Variants in DACH1 observed in about 807,000 individuals in gnomAD.
The protein encoded by DACH1 is dachshund family transcription factor 1, also known as dachshund homolog 1.
DACH1 carries 12 observed loss-of-function variants against 54.2 expected under a neutral mutation model. The ratio of observed to expected loss-of-function variants is 0.22; its 90% confidence interval spans 0.14 to 0.36. DACH1 has a LOEUF of 0.36. DACH1 is among the 10% of genes least tolerant of loss of function. DACH1 has a pLI of 1.00. For missense variants in DACH1, 805 were observed against 929.8 expected, an observed-to-expected ratio of 0.87 and a Z score of 1.75; for synonymous variants, 386 against 366.2, an observed-to-expected ratio of 1.05 and a Z score of -0.62.
chr13:71,713,867 C>G (rs1882848925), intron 1 of DACH1, among the ~76,000 whole-genome samples: 1 of 151,926 alleles, frequency 6.6e-6, no homozygotes, highest in Admixed American at 6.6e-5. Flanking sequence ...AATATAATTT[C>G]TAATAATCAT....
intron 5 of DACH1, among the ~76,000 whole-genome samples, chr13:71,559,412 A>C (rs1373878367): frequency 6.6e-6 from 1 of 152,170 alleles, no homozygotes; most frequent in Non-Finnish European, 1.5e-5. Flanking sequence ...ATCTCCATTA[A>C]CACAAGGATA....
At chr13:71,699,218 G>T (rs1881988030) in intron 1 of DACH1, among the ~76,000 whole-genome samples, 1 of 152,042 alleles carries the variant, frequency 6.6e-6, no homozygotes, top group Non-Finnish European at 1.5e-5. Flanking sequence ...TTGCAAGGAA[G>T]TATTTTTACC....
At chr13:71,818,808 G>A (rs1170415034) in intron 1 of DACH1, among the ~76,000 whole-genome samples, 1 of 152,214 alleles carries the variant, frequency 6.6e-6, no homozygotes, top group Non-Finnish European at 1.5e-5. Context: ...GCTTAGTTTT[G>A]ACTTGGATGC....
intron 6 of DACH1, among the ~76,000 whole-genome samples, chr13:71,517,551 G>A (rs1212459041): frequency 6.6e-6 from 1 of 151,722 alleles, no homozygotes; most frequent in Non-Finnish European, 1.5e-5. Flanking sequence ...TTGGTCTTTA[G>A]AAGCCAAATA....
chr13:71,477,296 A>AT lies in DACH1; in HGVS notation c.1871-1448dup, dbSNP rs553853240. ...CCACCACGCCCGGCTAATTTTTTGT[A>AT]TTTTTTAGTAGAGGCGCGGTTTCAC... On this transcript the variant is annotated intron_variant, in intron 8 of 10. Transcript: ENST00000613252. 1.6e-3 allele frequency among the ~76,000 whole-genome samples: 236 copies of AT among 150,012 alleles called. 1 individual carries two copies. The highest frequency in any genetic ancestry group is 5.6e-3 in the African/African-American group (228 of 40,918).
intron 6 of DACH1, among the ~76,000 whole-genome samples, chr13:71,513,385 A>G (rs1880926901): frequency 6.6e-6 from 1 of 151,980 alleles, no homozygotes; most frequent in Non-Finnish European, 1.5e-5. Context: ...CATTTGCTTA[A>G]TTTCATCTGC....
chr13:71,702,209 T>C (rs923581580), intron 1 of DACH1, among the ~76,000 whole-genome samples: 5 of 152,110 alleles, frequency 3.3e-5, no homozygotes, highest in African/African-American at 9.7e-5. Context: ...TTTAAAATGA[T>C]CCTAAATTGC....
intron 1 of DACH1, among the ~76,000 whole-genome samples, chr13:71,699,474 T>G (rs779067736): frequency 2.0e-4 from 31 of 152,250 alleles, no homozygotes; most frequent in Non-Finnish European, 4.0e-4. Flanking sequence ...TGACAAAGAG[T>G]AGTATATCTT....
At chr13:71,851,173 C>G (rs963456153) in intron 1 of DACH1, among the ~76,000 whole-genome samples, 3 of 152,136 alleles carry the variant, frequency 2.0e-5, no homozygotes, top group Non-Finnish European at 4.4e-5. Context: ...TTGCTGTTGA[C>G]CACATAAACT....
At chr13:71,487,342 C>A (rs968678777) in intron 7 of DACH1, among the ~76,000 whole-genome samples, 4 of 152,134 alleles carry the variant, frequency 2.6e-5, no homozygotes, top group African/African-American at 9.7e-5. Flanking sequence ...GAGCCACCTA[C>A]AATGAGTAAT....
chr13:71,710,149 C>A (rs895945377), intron 1 of DACH1, among the ~76,000 whole-genome samples: 11 of 152,042 alleles, frequency 7.2e-5, no homozygotes, highest in Admixed American at 3.3e-4. Context: ...GAGACTAGAA[C>A]TTTATTTGTC....
chr13:71,572,436 T>A (rs1885270641), intron 4 of DACH1, among the ~76,000 whole-genome samples: 1 of 152,114 alleles, frequency 6.6e-6, no homozygotes, highest in Non-Finnish European at 1.5e-5. Context: ...TTATTAGATA[T>A]TTACTAGAAT....
chr13:71,503,241 CTGTT>C (rs1314935506), intron 6 of DACH1, among the ~76,000 whole-genome samples: 3 of 152,174 alleles, frequency 2.0e-5, no homozygotes, highest in Non-Finnish European at 2.9e-5. Flanking sequence ...TTATTTCTGT[CTGTT>C]TGTTTAACAT....
intron 3 of DACH1, among the ~76,000 whole-genome samples, chr13:71,627,873 G>A (rs1876777408): frequency 6.6e-6 from 1 of 152,082 alleles, no homozygotes; most frequent in Non-Finnish European, 1.5e-5. Flanking sequence ...GCAGGTGGAA[G>A]CAGTTGATGG....
chr13:71,673,302 T>C (rs376168062), intron 2 of DACH1, among the ~76,000 whole-genome samples: 1 of 152,152 alleles, frequency 6.6e-6, no homozygotes, highest in East Asian at 1.9e-4. Context: ...ACCCAGGGTA[T>C]ATTGTGATTT....
chr13:71,492,437 G>A (rs1407865338), intron 6 of DACH1, among the ~76,000 whole-genome samples: 1 of 152,042 alleles, frequency 6.6e-6, no homozygotes, highest in African/African-American at 2.4e-5. Flanking sequence ...GTGAAAACTA[G>A]GCAGATGTTA....
chr13:71,784,474 G>A (rs1363363794), intron 1 of DACH1, among the ~76,000 whole-genome samples: 1 of 151,976 alleles, frequency 6.6e-6, no homozygotes, highest in Non-Finnish European at 1.5e-5. Context: ...CACAAAAATG[G>A]CCTATTTTCC....
rs559173750 is a variant in DACH1, at chr13:71,598,006, G to C, written c.1127-24994C>G. ...GAGGTGGGAGGATTGCTTGAGCCTG[G>C]GAGGCAGAGGTTACAGTGAGCCCAG... On this transcript the variant is annotated intron_variant, in intron 3 of 10. Transcript: ENST00000613252. Among the ~76,000 whole-genome samples the C allele has an allele frequency of 1.1e-4, 16 of 151,486 alleles. 1 individual carries two copies. The South Asian group carries it at 3.3e-3, about 32-fold the overall frequency.
At position 71,563,943 on chromosome 13, in the gene DACH1, T is replaced by C. The variant is rs147034993; in HGVS notation, c.1300-3988A>G. On this transcript the variant is annotated intron_variant, in intron 4 of 10. Transcript: ENST00000613252. ...ACACAACATATTCAGTCATTTTACT[T>C]AATGTATAATTTCAATCTTTGGAAC... 1.2e-3 allele frequency among the ~76,000 whole-genome samples: 186 copies of C among 152,032 alleles called. 1 individual carries two copies. Among genetic ancestry groups the C allele is most frequent in the Middle Eastern group, 8.3e-3 (2 of 240 alleles).
Sources: allele counts gnomAD v4.1 joint callset (sites outside exome capture counted in the v4.1 genomes callset), GRCh38; gene constraint gnomAD v4.1.1; transcripts MANE v1.5; gene names NCBI Gene and HGNC (gene_info 2026-07-23, HGNC 2026-07-21).